SETD7: variants seen among roughly 807,000 people sequenced by gnomAD.
The protein encoded by SETD7 is SET domain containing 7, histone lysine methyltransferase, also known as histone-lysine N-methyltransferase SETD7.
SETD7 carries 16 observed loss-of-function variants against 41.8 expected under a neutral mutation model. The observed-to-expected ratio is 0.38, with a 90% CI of 0.26 to 0.58. The LOEUF (loss-of-function observed/expected upper bound fraction) is 0.58. Ranked by LOEUF, SETD7 falls within the 20% of genes least tolerant of loss-of-function variation. The pLI is 0.64. For missense variants in SETD7, 346 were observed against 459.7 expected (o/e 0.75, Z 2.26); for synonymous variants, 163 against 169.7 (o/e 0.96, Z 0.31).
intron 3 of SETD7, among the ~76,000 whole-genome samples, 180 bp from the exon 4 acceptor site, chr4:139,529,400 G>A (rs1560684463): frequency 6.6e-6 from 1 of 152,118 alleles, no homozygotes; most frequent in Non-Finnish European, 1.5e-5. Context: ...TCCTCATCCA[G>A]CTCCATACAA....
chr4:139,493,757 C>T (rs9307957), downstream of SETD7, among the ~76,000 whole-genome samples: 1,992 of 152,176 alleles, frequency 0.013, 51 homozygotes, highest in African/African-American at 0.046. Flanking sequence ...CCAGGCTGGT[C>T]TCGAACTCCT....
intron 5 of SETD7, among the ~76,000 whole-genome samples, chr4:139,522,317 T>C (rs1341156928): frequency 6.6e-6 from 1 of 152,126 alleles, no homozygotes; most frequent in Non-Finnish European, 1.5e-5. Context: ...AGTACGCTTA[T>C]TCATAAACAG....
intron 2 of SETD7, chr4:139,546,199 C>T (rs1560692191): frequency 6.5e-6 from 1 of 154,280 alleles, no homozygotes; most frequent in Non-Finnish European, 1.4e-5. Flanking sequence ...ATAGTTCTGA[C>T]ATTAGTATTA....
At chr4:139,541,049 A>G (rs779288465) in intron 2 of SETD7, among the ~76,000 whole-genome samples, 57 of 152,236 alleles carry the variant, frequency 3.7e-4, no homozygotes, top group Non-Finnish European at 7.3e-4. Context: ...GCCAAGCAAC[A>G]TCAGAAAAGG....
intron 7 of SETD7, among the ~76,000 whole-genome samples, chr4:139,517,478 A>G (rs1727058533): frequency 1.6e-4 from 1 of 6,094 alleles, no homozygotes; most frequent in Admixed American, 2.6e-3. Flanking sequence ...TCCATCTCAA[A>G]AAAAAAAAAA....
intron 5 of SETD7, among the ~76,000 whole-genome samples, chr4:139,522,206 T>C (rs566573803): frequency 6.6e-6 from 1 of 152,272 alleles, no homozygotes; most frequent in South Asian, 2.1e-4. Context: ...CCCTGTCAGT[T>C]GAATGGAGGA....
intron 7 of SETD7, among the ~76,000 whole-genome samples, chr4:139,497,597 GT>G (rs372331930): frequency 0.013 from 1,939 of 146,942 alleles, 50 homozygotes; most frequent in African/African-American, 0.043. Context: ...TTGTTTTTTT[GT>G]TTTTTTTTTA....
intron 2 of SETD7, among the ~76,000 whole-genome samples, chr4:139,536,252 T>C (rs1463028337): frequency 1.3e-5 from 2 of 152,234 alleles, no homozygotes; most frequent in Non-Finnish European, 2.9e-5. Context: ...ACTATATTTT[T>C]CCTTGCTTTC....
intron 5 of SETD7, among the ~76,000 whole-genome samples, chr4:139,522,741 C>CTTTTTTTTTTTTTTTTTTTT (rs11357611): frequency 1.1e-5 from 1 of 93,450 alleles, no homozygotes; most frequent in African/African-American, 4.4e-5. Context: ...CCCAGCTGCT[C>CTTTTTTTTTTTTTTTTTTTT]TTTTTTTTTT....
At position 139,508,832 on chromosome 4, in the gene SETD7, A is replaced by C. The variant is rs1465054491; in HGVS notation, c.*2831T>G. 6.6e-6 allele frequency: 1 copy of C among 152,220 alleles called. No homozygotes were observed. Among genetic ancestry groups the C allele is most frequent in the Non-Finnish European group, 1.5e-5 (1 of 68,046 alleles). 9.4% of individuals were successfully genotyped at this position (152,220 alleles called of 1,614,324 possible). A position where few individuals can be genotyped will look rare whatever the true frequency, so the allele number is the denominator to read the frequency against. ...TTGCGTTTAGGTTCAAACGGGAAAC[A>C]AACCCTTCCGTCCTCAGCTGTTAAT... is the stretch of plus-strand genomic sequence containing the variant. On this transcript the variant is annotated 3_prime_UTR_variant, in exon 8 of 8. Transcript: ENST00000274031.
At chr4:139,516,468 A>C (rs1727029058) in intron 7 of SETD7, among the ~76,000 whole-genome samples, 4 of 2,444 alleles carry the variant, frequency 1.6e-3, no homozygotes, top group Admixed American at 0.015. Flanking sequence ...TCTGTCTCAA[A>C]AAAAAAAAAA....
chr4:139,525,015 C>T (rs896106264), intron 4 of SETD7, among the ~76,000 whole-genome samples: 1 of 152,156 alleles, frequency 6.6e-6, no homozygotes. Context: ...TGGGGTTTCG[C>T]CCTGTTGGCC....
At chr4:139,516,949 C>A (rs1326612503) in intron 7 of SETD7, among the ~76,000 whole-genome samples, 1 of 152,170 alleles carries the variant, frequency 6.6e-6, no homozygotes, top group Non-Finnish European at 1.5e-5. Flanking sequence ...AACCACTAAT[C>A]TACTTTCTAT....
At position 139,555,586 on chromosome 4, in the gene SETD7, C is replaced by T. The variant is rs1448055428; in HGVS notation, c.40+512G>A. Among the ~76,000 whole-genome samples the T allele has an allele frequency of 6.6e-6, 1 of 152,056 alleles. No homozygotes were observed. Among genetic ancestry groups the T allele is most frequent in the African/African-American group, 2.4e-5 (1 of 41,426 alleles). Reference sequence around the variant, plus strand: ...CGGCTGCCACGTGCCTGGTCTGGCCCCGTGCGCTGCGCCGGGGGACCTACC... The same window carrying T: ...CGGCTGCCACGTGCCTGGTCTGGCCTCGTGCGCTGCGCCGGGGGACCTACC... On this transcript the variant is annotated intron_variant, in intron 1 of 7. Coordinates refer to ENST00000274031, the MANE Select transcript of SETD7 (RefSeq NM_030648.4). This position sits in a 1 kb window ranked among gnomAD's most constrained non-coding sequence, Gnocchi z 4.0.
intron 1 of SETD7, among the ~76,000 whole-genome samples, chr4:139,549,235 A>G (rs1176691696): frequency 6.6e-6 from 1 of 152,224 alleles, no homozygotes. Flanking sequence ...AGAGTTTTAA[A>G]AGCTTATGTT....
intron 3 of SETD7, among the ~76,000 whole-genome samples, chr4:139,531,241 C>A (rs1453984016): frequency 6.6e-6 from 1 of 152,148 alleles, no homozygotes; most frequent in Admixed American, 6.5e-5. Flanking sequence ...AAAATGCAAC[C>A]ATGTTGAGCG....
intron 2 of SETD7, 39 bp downstream of exon 2, chr4:139,546,881 C>T (rs759997998): frequency 2.2e-5 from 36 of 1,613,004 alleles, no homozygotes; most frequent in South Asian, 5.5e-5. Flanking sequence ...TAAAATAATT[C>T]GGTACCCCCA....
At position 139,546,903 on chromosome 4, in the gene SETD7, A is replaced by G; in HGVS notation, c.170+17T>C. 1 of 1,614,132 alleles carries G rather than the reference A, an allele frequency of 6.2e-7. No homozygotes were observed. The highest frequency in any genetic ancestry group is 8.5e-7 in the Non-Finnish European group (1 of 1,180,000). On this transcript the variant is annotated intron_variant, in intron 2 of 7. Coordinates refer to ENST00000274031, the MANE Select transcript of SETD7 (RefSeq NM_030648.4). ...ATTCGGTACCCCCAAAGAACAAAAT[A>G]AAACTGTGAGTGCTACCTGCCATCA... is the stretch of plus-strand genomic sequence containing the variant.
intron 2 of SETD7, among the ~76,000 whole-genome samples, chr4:139,544,211 G>A (rs1272800152): frequency 2.0e-5 from 3 of 151,732 alleles, no homozygotes; most frequent in East Asian, 3.9e-4. Context: ...AGGATCACCC[G>A]AGTCCAGGGA....
Sources: gnomAD v4.1 joint callset for allele counts (sites outside exome capture counted in the v4.1 genomes callset) on GRCh38, gnomAD v4.1.1 for gene constraint, Gnocchi (gnomAD v3.1) non-coding constraint, MANE v1.5 for transcripts, NCBI Gene and HGNC (gene_info 2026-07-23, HGNC 2026-07-21) for gene names.